The following ITPR2 variants were observed in gnomAD, a reference collection of about 807,000 sequenced individuals.
ITPR2 encodes inositol 1,4,5-trisphosphate-gated calcium channel ITPR2.
ITPR2 carries 207 observed loss-of-function variants against 317.1 expected under a neutral mutation model. The ratio of observed to expected loss-of-function variants is 0.65; its 90% CI spans 0.58 to 0.73. The LOEUF (loss-of-function observed/expected upper bound fraction) is 0.73, where lower values mean the gene tolerates loss of function less well. Ranked by LOEUF, ITPR2 falls within the 30% of genes least tolerant of loss-of-function variation. The probability of loss-of-function intolerance (pLI) is 0.00; values close to 1 mark genes in which losing one functional copy is unlikely to be tolerated. For missense variants in ITPR2, 2,613 were observed against 3,284.0 expected (o/e 0.80, Z 4.99); for synonymous variants, 1,156 against 1,149.1 (o/e 1.01, Z -0.12).
At chr12:26,572,013 T>A (rs1289579424) in intron 34 of ITPR2, among the ~76,000 whole-genome samples, 4 of 152,244 alleles carry the variant, frequency 2.6e-5, no homozygotes. Context: ...GTTTACCAAC[T>A]TGGAAATGCA....
At chr12:26,756,531 A>G (rs1489714989) in intron 2 of ITPR2, among the ~76,000 whole-genome samples, 7 of 152,198 alleles carry the variant, frequency 4.6e-5, no homozygotes, top group African/African-American at 1.7e-4. Context: ...GAAATGCAGG[A>G]CAAGCTTTCT....
At chr12:26,393,704 C>T (rs867881653) in intron 54 of ITPR2, among the ~76,000 whole-genome samples, 4 of 152,256 alleles carry the variant, frequency 2.6e-5, no homozygotes, top group Middle Eastern at 3.4e-3. Context: ...TCTGAATAAA[C>T]ATGAAGCTTC....
chr12:26,582,449 T>C (rs1945427578), intron 32 of ITPR2, among the ~76,000 whole-genome samples: 1 of 152,242 alleles, frequency 6.6e-6, no homozygotes, highest in Non-Finnish European at 1.5e-5. Flanking sequence ...AACACTTTTA[T>C]GTACTGCCAT....
At chr12:26,478,782 A>G (rs1370732200) in intron 43 of ITPR2, among the ~76,000 whole-genome samples, 5 of 152,050 alleles carry the variant, frequency 3.3e-5, no homozygotes, top group Non-Finnish European at 7.4e-5. Context: ...CTATTTACAA[A>G]TGAAGCACTT....
intron 37 of ITPR2, among the ~76,000 whole-genome samples, chr12:26,499,312 AG>A (rs1943020274): frequency 6.6e-6 from 1 of 152,218 alleles, no homozygotes; most frequent in African/African-American, 2.4e-5. Context: ...TAGCCCCATT[AG>A]AAGCATCTAT....
chr12:26,406,826 T>A, intron 52 of ITPR2, among the ~76,000 whole-genome samples: 1 of 152,154 alleles, frequency 6.6e-6, no homozygotes, highest in East Asian at 1.9e-4. Flanking sequence ...CGCTAGCAGA[T>A]CAAATCCATA....
At chr12:26,471,632 G>A (rs1268073243) in intron 45 of ITPR2, among the ~76,000 whole-genome samples, 2 of 152,144 alleles carry the variant, frequency 1.3e-5, no homozygotes, top group Non-Finnish European at 2.9e-5. Context: ...GGCAGAAAAA[G>A]CAGAACTACC....
chr12:26,784,166 G>A (rs1419693069), intron 2 of ITPR2, among the ~76,000 whole-genome samples: 2 of 151,648 alleles, frequency 1.3e-5, no homozygotes, highest in South Asian at 2.1e-4. Flanking sequence ...GGGAAACAGA[G>A]TGGAAGAGAA....
intron 21 of ITPR2, among the ~76,000 whole-genome samples, chr12:26,653,578 C>T (rs900283110): frequency 6.6e-5 from 10 of 152,146 alleles, no homozygotes; most frequent in African/African-American, 2.2e-4. Flanking sequence ...GGAGCACAGC[C>T]TTCAAATCTA....
chr12:26,585,116 T>A (rs1052418094), intron 32 of ITPR2, among the ~76,000 whole-genome samples: 2 of 152,122 alleles, frequency 1.3e-5, no homozygotes, highest in South Asian at 4.1e-4. Flanking sequence ...AAATATAAAA[T>A]GGAAAAATGA....
intron 2 of ITPR2, among the ~76,000 whole-genome samples, chr12:26,782,072 A>AGAGC (rs1195488910): frequency 9.1e-5 from 12 of 132,272 alleles, no homozygotes; most frequent in African/African-American, 3.4e-4. Context: ...AGAGAGAGAG[A>AGAGC]GCGAGAGAGA....
In ITPR2 at chr12:26,340,158, T is replaced by C. The variant is rs1158257395; in HGVS notation, c.8019+9A>G. The C allele has an allele frequency of 6.3e-7, 1 of 1,591,906 alleles. No homozygotes were observed. The highest frequency in any genetic ancestry group is 2.3e-5 in the East Asian group (1 of 44,112). On this transcript the variant is annotated intron_variant, in intron 56 of 56. Coordinates refer to ENST00000381340, the MANE Select transcript of ITPR2 (RefSeq NM_002223.4). Reference sequence around the variant, plus strand: ...TCCCACCCAGCCCCATCTCCCTGAATGCACCCACCTGCTCCTTGAGCTCCG... The same window carrying C: ...TCCCACCCAGCCCCATCTCCCTGAACGCACCCACCTGCTCCTTGAGCTCCG...
chr12:26,482,741 C>T (rs1325586265), intron 42 of ITPR2, among the ~76,000 whole-genome samples: 1 of 152,148 alleles, frequency 6.6e-6, no homozygotes, highest in African/African-American at 2.4e-5. Context: ...CACACCTATG[C>T]ATGTACACAT....
chr12:26,631,585 T>C (rs892492484), intron 22 of ITPR2, among the ~76,000 whole-genome samples: 4 of 152,000 alleles, frequency 2.6e-5, no homozygotes, highest in Non-Finnish European at 5.9e-5. Flanking sequence ...ACAATACTAA[T>C]TTTTTTTAAT....
chr12:26,652,064 T>C (rs1947268339), intron 21 of ITPR2, among the ~76,000 whole-genome samples: 2 of 152,186 alleles, frequency 1.3e-5, no homozygotes, highest in African/African-American at 4.8e-5. Flanking sequence ...TTTTTCCATA[T>C]TTTCACACCT....
chr12:26,802,618 G>GATATAGATATAGATATATCTAT (rs1950578849), intron 1 of ITPR2, among the ~76,000 whole-genome samples: 1 of 30,646 alleles, frequency 3.3e-5, no homozygotes, highest in African/African-American at 1.0e-4. Flanking sequence ...GATATATATA[G>GATATAGATATAGATATATCTAT]ATATAGATAT....
chr12:26,564,216 CA>C, intron 34 of ITPR2, among the ~76,000 whole-genome samples: 1 of 152,218 alleles, frequency 6.6e-6, no homozygotes, highest in Middle Eastern at 3.4e-3. Flanking sequence ...CAGAATAAAA[CA>C]GAGAGACTGT....
rs757469719 is a variant in ITPR2, at chr12:26,596,926, T to A, written c.4211A>T (p.Asp1404Val). Residue 1404 changes from aspartate (D) to valine (V), a missense_variant, in exon 31 of 57, where the codon GAC becomes GTC. Transcript: ENST00000381340. ...EIKCNSLLPL[D>V]DIVRVVTHDD... ...ATGGGTCACCACCCTCACTATGTCG[T>A]CCAGCGGGAGAAGGGAATTACACTT... 6.3e-7 allele frequency: 1 copy of A among 1,590,516 alleles called. No individual in the cohort carries two copies. Among genetic ancestry groups the A allele is most frequent in the Non-Finnish European group, 8.6e-7 (1 of 1,167,374 alleles).
chr12:26,737,429 T>C (rs1949144248), intron 2 of ITPR2, among the ~76,000 whole-genome samples: 1 of 152,138 alleles, frequency 6.6e-6, no homozygotes, highest in Non-Finnish European at 1.5e-5. Context: ...CTAATTTTTG[T>C]ATTTTTAGTA....
Sources: allele counts gnomAD v4.1 joint callset (sites outside exome capture counted in the v4.1 genomes callset), GRCh38; gene constraint gnomAD v4.1.1; transcripts MANE v1.5; gene names NCBI Gene and HGNC (gene_info 2026-07-23, HGNC 2026-07-21).